Variants in GRM8 observed in about 807,000 individuals in gnomAD.
The protein encoded by GRM8 is metabotropic glutamate receptor 8.
In GRM8, 47 loss-of-function variants were observed where a neutral mutation model predicts 87.2. The ratio of observed to expected loss-of-function variants is 0.54; its 90% CI spans 0.43 to 0.69. The LOEUF is 0.69. GRM8 is among the 30% of genes least tolerant of loss of function. The pLI is 0.00. For synonymous variants in GRM8, 396 were observed against 404.5 expected, an observed-to-expected ratio of 0.98 and a Z score of 0.25; for missense variants, 1,019 against 1,139.2, an observed-to-expected ratio of 0.89 and a Z score of 1.52.
intron 2 of GRM8, among the ~76,000 whole-genome samples, chr7:127,119,926 C>T (rs1275350163): frequency 6.6e-6 from 1 of 152,204 alleles, no homozygotes; most frequent in Non-Finnish European, 1.5e-5. Context: ...TTCATACCCA[C>T]TCCAAACCTA....
At chr7:127,125,289 G>C (rs749813483) in intron 2 of GRM8, among the ~76,000 whole-genome samples, 1 of 152,080 alleles carries the variant, frequency 6.6e-6, no homozygotes, top group Non-Finnish European at 1.5e-5. Flanking sequence ...TAGATATAGA[G>C]ATTAATGGAA....
chr7:126,931,081 T>C (rs1032900692), intron 3 of GRM8, among the ~76,000 whole-genome samples: 3 of 152,172 alleles, frequency 2.0e-5, no homozygotes, highest in Non-Finnish European at 2.9e-5. Context: ...GGAATGGAGG[T>C]AAAATTTAGA....
intron 2 of GRM8, among the ~76,000 whole-genome samples, chr7:127,133,706 C>CAAA (rs137900224): frequency 4.0e-5 from 4 of 98,786 alleles, no homozygotes; most frequent in East Asian, 6.6e-4. Context: ...ACTCCCTCTC[C>CAAA]AAAAAAAAAA....
chr7:127,071,200 G>A (rs759736718), intron 3 of GRM8, among the ~76,000 whole-genome samples: 4 of 151,904 alleles, frequency 2.6e-5, no homozygotes, highest in Non-Finnish European at 5.9e-5. Context: ...TCTCTTCATC[G>A]TGGCTGGGGA....
At chr7:126,586,466 T>G (rs1350616695) in intron 8 of GRM8, among the ~76,000 whole-genome samples, 1 of 152,182 alleles carries the variant, frequency 6.6e-6, no homozygotes, top group Non-Finnish European at 1.5e-5. Context: ...AGCATGGTAC[T>G]GGTACCAAAA....
chr7:126,619,982 T>C (rs1383575831), intron 7 of GRM8, among the ~76,000 whole-genome samples: 1 of 152,118 alleles, frequency 6.6e-6, no homozygotes, highest in Non-Finnish European at 1.5e-5. Flanking sequence ...TGAATAAATG[T>C]GCCCAGCCAA....
intron 7 of GRM8, among the ~76,000 whole-genome samples, chr7:126,622,846 C>T (rs1800312989): frequency 6.6e-6 from 1 of 152,152 alleles, no homozygotes; most frequent in Non-Finnish European, 1.5e-5. Flanking sequence ...CTCTTTTACT[C>T]TTTGACACAT....
chr7:126,935,274 A>G (rs1036299688), intron 3 of GRM8, among the ~76,000 whole-genome samples: 19 of 152,120 alleles, frequency 1.2e-4, no homozygotes, highest in Admixed American at 1.0e-3. Flanking sequence ...GAAGAGGGAA[A>G]CTTCCATGGC....
At chr7:126,806,494 TG>T (rs1792741152) in intron 6 of GRM8, among the ~76,000 whole-genome samples, 1 of 152,256 alleles carries the variant, frequency 6.6e-6, no homozygotes, top group African/African-American at 2.4e-5. Context: ...TTCCCCTATC[TG>T]GCCCCACCCA....
intron 2 of GRM8, among the ~76,000 whole-genome samples, chr7:127,181,465 C>T (rs61254279): frequency 0.021 from 3,133 of 151,960 alleles, 103 homozygotes; most frequent in African/African-American, 0.072. Flanking sequence ...CAAAATACCA[C>T]CATCATTCTT....
chr7:127,136,614 C>T (rs1827956639), intron 2 of GRM8, among the ~76,000 whole-genome samples: 1 of 151,948 alleles, frequency 6.6e-6, no homozygotes, highest in African/African-American at 2.4e-5. Flanking sequence ...CGAAGCTCAG[C>T]TACAAACTTA....
chr7:126,764,636 C>G (rs1397937114), intron 7 of GRM8, among the ~76,000 whole-genome samples: 1 of 152,070 alleles, frequency 6.6e-6, no homozygotes, highest in Non-Finnish European at 1.5e-5. Flanking sequence ...TATCTATGTA[C>G]TGGTCTCTAC....
intron 9 of GRM8, among the ~76,000 whole-genome samples, chr7:126,497,729 A>G (rs1355729332): frequency 6.6e-6 from 1 of 151,984 alleles, no homozygotes; most frequent in Non-Finnish European, 1.5e-5. Context: ...TAAGGGCTGC[A>G]TTGCAACGTT....
intron 9 of GRM8, among the ~76,000 whole-genome samples, chr7:126,462,990 C>T (rs1804058945): frequency 6.6e-6 from 1 of 151,482 alleles, no homozygotes; most frequent in African/African-American, 2.4e-5. Context: ...CTGGGGAGTG[C>T]CTGGCCAGTC....
chr7:127,204,673 T>TA (rs1795804920), intron 2 of GRM8, among the ~76,000 whole-genome samples: 1 of 145,332 alleles, frequency 6.9e-6, no homozygotes, highest in African/African-American at 2.8e-5. Flanking sequence ...TTTTTTTTTT[T>TA]ATAACATATC....
chr7:126,665,379 A>G (rs972894514), intron 7 of GRM8, among the ~76,000 whole-genome samples: 2 of 152,222 alleles, frequency 1.3e-5, no homozygotes, highest in Non-Finnish European at 2.9e-5. Context: ...GACTGGGTAA[A>G]GAAAACCTAA....
chr7:126,600,867 T>C (rs955714061), intron 8 of GRM8, among the ~76,000 whole-genome samples: 1 of 152,136 alleles, frequency 6.6e-6, no homozygotes, highest in Non-Finnish European at 1.5e-5. Context: ...AATCATCTTG[T>C]TGCAAGGAAA....
At chr7:126,749,046 G>A (rs1816068067) in intron 7 of GRM8, among the ~76,000 whole-genome samples, 1 of 152,112 alleles carries the variant, frequency 6.6e-6, no homozygotes, top group African/African-American at 2.4e-5. Context: ...GGCCAAGGCG[G>A]GTGGATCACT....
intron 7 of GRM8, among the ~76,000 whole-genome samples, chr7:126,641,650 T>C (rs957784078): frequency 1.3e-4 from 20 of 152,306 alleles, no homozygotes; most frequent in African/African-American, 4.6e-4. Flanking sequence ...TAGGGAGTTT[T>C]ACTATTTCAT....
Sources: gnomAD v4.1 joint callset for allele counts (sites outside exome capture counted in the v4.1 genomes callset) on GRCh38, gnomAD v4.1.1 for gene constraint, MANE v1.5 for transcripts, NCBI Gene and HGNC (gene_info 2026-07-23, HGNC 2026-07-21) for gene names.